Variants in PTPRM observed in about 807,000 individuals in gnomAD.
PTPRM encodes the protein protein tyrosine phosphatase receptor type M.
PTPRM carries 47 observed loss-of-function variants against 186.7 expected under a neutral mutation model. The ratio of observed to expected loss-of-function variants is 0.25; its 90% CI spans 0.20 to 0.32. PTPRM has a LOEUF of 0.32. Ranked by LOEUF, PTPRM falls within the 10% of genes least tolerant of loss-of-function variation. The pLI, the probability that PTPRM is intolerant of heterozygous loss-of-function variation, is 1.00. For synonymous variants in PTPRM, 668 were observed against 674.9 expected, an observed-to-expected ratio of 0.99 and a Z score of 0.16; for missense variants, 1,494 against 1,865.0, an observed-to-expected ratio of 0.80 and a Z score of 3.66.
intron 26 of PTPRM, 66 bp from the exon 27 acceptor site, chr18:8,378,199 T>C (rs2095708661): frequency 4.7e-6 from 7 of 1,481,666 alleles, no homozygotes; most frequent in Non-Finnish European, 6.5e-6. Flanking sequence ...GGGGCTAAAA[T>C]TGATACCGTC....
chr18:8,352,652 G>GTTTTTTTTTTTTTTTTTTTTTTTTTTT (rs142090056), intron 23 of PTPRM, among the ~76,000 whole-genome samples: 2 of 102,226 alleles, frequency 2.0e-5, no homozygotes, highest in Non-Finnish European at 4.4e-5. Context: ...TTTTTGGTTT[G>GTTTTTTTTTTTTTTTTTTTTTTTTTTT]GTTTTTTTTG....
chr18:7,631,880 A>T (rs763388345), intron 1 of PTPRM, among the ~76,000 whole-genome samples: 4 of 152,232 alleles, frequency 2.6e-5, no homozygotes, highest in Non-Finnish European at 5.9e-5. Flanking sequence ...AAGGATAATA[A>T]TGCATAGTTA....
At chr18:7,985,117 A>G (rs2082847048) in intron 7 of PTPRM, among the ~76,000 whole-genome samples, 1 of 131,276 alleles carries the variant, frequency 7.6e-6, no homozygotes, top group Admixed American at 8.3e-5. Context: ...ATATAATTGT[A>G]TATACACATA....
chr18:8,384,414 C>T, intron 29 of PTPRM, 147 bp from the exon 30 acceptor site: 1 of 869,892 alleles, frequency 1.1e-6, no homozygotes, highest in Non-Finnish European at 1.7e-6. Flanking sequence ...GCCATGATCG[C>T]ACCACTGCAC....
At chr18:8,022,885 A>G (rs1696102258) in intron 7 of PTPRM, among the ~76,000 whole-genome samples, 1 of 152,200 alleles carries the variant, frequency 6.6e-6, no homozygotes. Context: ...AACATTTGGA[A>G]TAGCAACTGG....
At position 7,577,886 on chromosome 18, in the gene PTPRM, A is replaced by C. The variant is rs1378014333; in HGVS notation, c.73+9995A>C. Among the ~76,000 whole-genome samples the C allele has an allele frequency of 2.0e-5, 3 of 152,062 alleles. No individual in the cohort carries two copies. The East Asian group carries it at 5.8e-4, about 29-fold the overall frequency. ...TTCTTTCTAATCTTGCTCAGTAGGC[A>C]GGGGCCCCTGTGAGACAGCTGGTTG... On this transcript the variant is annotated intron_variant, in intron 1 of 32. Coordinates refer to ENST00000580170, the MANE Select transcript of PTPRM (RefSeq NM_001105244.2).
intron 1 of PTPRM, among the ~76,000 whole-genome samples, chr18:7,618,667 G>T (rs936993649): frequency 7.2e-5 from 11 of 152,134 alleles, no homozygotes; most frequent in Non-Finnish European, 1.6e-4. Flanking sequence ...TTCATAGTTT[G>T]TACCCTTTGA....
chr18:8,231,811 A>G (rs1371946250), intron 14 of PTPRM, among the ~76,000 whole-genome samples: 2 of 152,178 alleles, frequency 1.3e-5, no homozygotes, highest in Admixed American at 6.5e-5. Context: ...TTGTTTCACC[A>G]CATAAGTGAG....
At chr18:7,795,203 A>G (rs2043559975) in intron 2 of PTPRM, among the ~76,000 whole-genome samples, 1 of 152,166 alleles carries the variant, frequency 6.6e-6, no homozygotes. Context: ...GTATTTTGGC[A>G]TTAGACTGGT....
chr18:7,679,252 TAACTG>T lies in PTPRM; in HGVS notation c.74-94893_74-94889del, dbSNP rs371496572. Among the ~76,000 whole-genome samples the T allele has an allele frequency of 1.6e-4, 25 of 152,346 alleles. No individual in the cohort carries two copies. The South Asian group carries it at 1.7e-3, about 10-fold the overall frequency. Reference sequence around the variant, plus strand: ...AAGATATACTGTTTAAGTATTTAAATAACTGAACACATCTTCCTGTGTTTTATCAC... The same window carrying T: ...AAGATATACTGTTTAAGTATTTAAATAACACATCTTCCTGTGTTTTATCAC... On this transcript the variant is annotated intron_variant, in intron 1 of 32. Transcript: ENST00000580170.
At chr18:8,287,658 G>A (rs369802185) in intron 19 of PTPRM, among the ~76,000 whole-genome samples, 1 of 152,164 alleles carries the variant, frequency 6.6e-6, no homozygotes, top group African/African-American at 2.4e-5. Context: ...GGATCTGGGC[G>A]CATTTGCACA....
chr18:7,657,929 A>G (rs2144348890), intron 1 of PTPRM, among the ~76,000 whole-genome samples: 1 of 152,282 alleles, frequency 6.6e-6, no homozygotes, highest in South Asian at 2.1e-4. Flanking sequence ...ACTAGCAAAT[A>G]AAAATTGTGT....
chr18:7,909,586 CATA>C lies in PTPRM; in HGVS notation c.547+3009_547+3011del, dbSNP rs553895460. 2.8e-3 allele frequency among the ~76,000 whole-genome samples: 420 copies of C among 152,248 alleles called. 4 individuals carry two copies. The highest frequency in any genetic ancestry group is 3.0e-3 in the Non-Finnish European group (206 of 68,012). On this transcript the variant is annotated intron_variant, in intron 4 of 32. Transcript: ENST00000580170. ...TTTATGAGCTTTCTTATCAGGATTT[CATA>C]ATAATGAATTATTTTGAAATTTTGA...
intron 1 of PTPRM, among the ~76,000 whole-genome samples, chr18:7,607,762 C>T (rs2037569435): frequency 1.3e-5 from 2 of 152,198 alleles, no homozygotes; most frequent in African/African-American, 2.4e-5. Context: ...TCCTGGATGC[C>T]GTAGGCAAGC....
intron 1 of PTPRM, among the ~76,000 whole-genome samples, chr18:7,591,721 G>A (rs1356312207): frequency 3.9e-5 from 6 of 152,198 alleles, no homozygotes; most frequent in Admixed American, 3.9e-4. Flanking sequence ...TGTGCTTAAA[G>A]AGAGGGAAAC....
chr18:8,178,782 G>A (rs12185457), intron 14 of PTPRM, among the ~76,000 whole-genome samples: 6,182 of 150,720 alleles, frequency 0.041, 186 homozygotes, highest in Middle Eastern at 0.072. Context: ...TCAAGACTCC[G>A]TCTCAAAAAT....
At chr18:8,196,617 T>C (rs902468040) in intron 14 of PTPRM, among the ~76,000 whole-genome samples, 1 of 152,218 alleles carries the variant, frequency 6.6e-6, no homozygotes, top group Admixed American at 6.5e-5. Context: ...AAATTATTTT[T>C]CAAATTCAAC....
At chr18:7,968,731 G>A in intron 7 of PTPRM, among the ~76,000 whole-genome samples, 1 of 31,314 alleles carries the variant, frequency 3.2e-5, no homozygotes, top group Non-Finnish European at 6.1e-5. Flanking sequence ...TAATGGTAAA[G>A]GGATCAATTC....
At chr18:7,992,023 G>T (rs1382924194) in intron 7 of PTPRM, among the ~76,000 whole-genome samples, 3 of 152,050 alleles carry the variant, frequency 2.0e-5, no homozygotes, top group African/African-American at 7.2e-5. Context: ...GGTAAAGAAA[G>T]TTAGTCAAAA....
Sources: allele counts gnomAD v4.1 joint callset (sites outside exome capture counted in the v4.1 genomes callset), GRCh38; gene constraint gnomAD v4.1.1; transcripts MANE v1.5; gene names NCBI Gene and HGNC (gene_info 2026-07-23, HGNC 2026-07-21).